Variants in DNAJC1 observed in about 807,000 individuals in gnomAD.
The protein encoded by DNAJC1 is dnaJ homolog subfamily C member 1.
In DNAJC1, 58 loss-of-function variants were observed where a neutral mutation model predicts 76.6. The observed-to-expected ratio is 0.76, with a 90% CI of 0.61 to 0.94. The LOEUF is 0.94. Ranked by LOEUF, DNAJC1 falls within the 40% of genes least tolerant of loss-of-function variation. The pLI, the probability that DNAJC1 is intolerant of heterozygous loss-of-function variation, is 0.00. For missense variants in DNAJC1, 689 were observed against 677.3 expected, an observed-to-expected ratio of 1.02 and a Z score of -0.19; for synonymous variants, 258 against 267.9, an observed-to-expected ratio of 0.96 and a Z score of 0.36.
At chr10:21,989,384 C>T (rs903991719) in intron 1 of DNAJC1, among the ~76,000 whole-genome samples, 2 of 152,096 alleles carry the variant, frequency 1.3e-5, no homozygotes, top group African/African-American at 2.4e-5. Context: ...TGATCAAAAA[C>T]TTGTTAAGCA....
chr10:21,861,298 A>G (rs935398328), intron 8 of DNAJC1, among the ~76,000 whole-genome samples: 8 of 152,202 alleles, frequency 5.3e-5, no homozygotes, highest in Admixed American at 5.2e-4. Flanking sequence ...GAGAAACAAA[A>G]TATTAAATAT....
chr10:21,789,658 T>C (rs767720460), intron 9 of DNAJC1, among the ~76,000 whole-genome samples: 1 of 151,560 alleles, frequency 6.6e-6, no homozygotes, highest in Non-Finnish European at 1.5e-5. Flanking sequence ...TCAACGGAGA[T>C]AAATATCATG....
intron 9 of DNAJC1, among the ~76,000 whole-genome samples, chr10:21,774,786 T>C (rs1029619597): frequency 2.0e-5 from 3 of 152,220 alleles, no homozygotes; most frequent in African/African-American, 7.2e-5. Context: ...CTAAACATAT[T>C]AATATATTTT....
At chr10:21,930,899 C>T (rs1837210786) in intron 1 of DNAJC1, among the ~76,000 whole-genome samples, 1 of 151,988 alleles carries the variant, frequency 6.6e-6, no homozygotes, top group Non-Finnish European at 1.5e-5. Context: ...ATAAACCATT[C>T]CACAAGTATA....
chr10:21,766,589 T>C (rs1834302014), intron 9 of DNAJC1, among the ~76,000 whole-genome samples: 1 of 152,162 alleles, frequency 6.6e-6, no homozygotes, highest in African/African-American at 2.4e-5. Context: ...AGTTCCGTTA[T>C]ACGAGGCTGC....
intron 8 of DNAJC1, among the ~76,000 whole-genome samples, chr10:21,829,048 T>C (rs971080179): frequency 6.6e-6 from 1 of 152,114 alleles, no homozygotes; most frequent in African/African-American, 2.4e-5. Flanking sequence ...TCTTTTCTTT[T>C]TGAGATGGAG....
At chr10:21,996,022 G>A (rs1050588998) in intron 1 of DNAJC1, among the ~76,000 whole-genome samples, 6 of 152,020 alleles carry the variant, frequency 3.9e-5, no homozygotes, top group African/African-American at 1.4e-4. Context: ...CATTAGTATA[G>A]GGCCCATCTT....
chr10:21,879,616 T>A (rs1836240026), intron 8 of DNAJC1, among the ~76,000 whole-genome samples: 2 of 152,178 alleles, frequency 1.3e-5, no homozygotes, highest in East Asian at 1.9e-4. Flanking sequence ...AGAGAGAGAC[T>A]CTGTCTCAAA....
intron 7 of DNAJC1, among the ~76,000 whole-genome samples, chr10:21,884,108 A>T (rs1254640741): frequency 1.3e-5 from 2 of 152,158 alleles, no homozygotes; most frequent in African/African-American, 4.8e-5. Flanking sequence ...GAAAACCCAG[A>T]TGCTGTTACA....
At chr10:21,857,727 A>C (rs1479372807) in intron 8 of DNAJC1, among the ~76,000 whole-genome samples, 2 of 152,156 alleles carry the variant, frequency 1.3e-5, no homozygotes, top group African/African-American at 2.4e-5. Context: ...ATGGTGGTAC[A>C]TGCCTGTAGT....
intron 8 of DNAJC1, among the ~76,000 whole-genome samples, chr10:21,838,434 T>A (rs1388697612): frequency 2.0e-5 from 3 of 152,062 alleles, no homozygotes; most frequent in South Asian, 2.1e-4. Flanking sequence ...GCATGCTCCT[T>A]AAGAGTCATC....
chr10:21,795,043 T>C (rs1238973760), intron 9 of DNAJC1, among the ~76,000 whole-genome samples: 1 of 152,172 alleles, frequency 6.6e-6, no homozygotes, highest in Non-Finnish European at 1.5e-5. Flanking sequence ...ATTTTGAGCA[T>C]TTCAAATTTC....
At chr10:21,770,635 G>A (rs1834362815) in intron 9 of DNAJC1, among the ~76,000 whole-genome samples, 1 of 152,110 alleles carries the variant, frequency 6.6e-6, no homozygotes, top group East Asian at 1.9e-4. Context: ...CTGACCTGAG[G>A]TGATCCGCCC....
At chr10:21,956,014 T>G (rs1406178704) in intron 1 of DNAJC1, among the ~76,000 whole-genome samples, 2 of 152,264 alleles carry the variant, frequency 1.3e-5, no homozygotes, top group African/African-American at 4.8e-5. Context: ...TCTCATTATC[T>G]TTGTATTGTG....
intron 1 of DNAJC1, among the ~76,000 whole-genome samples, chr10:21,969,711 C>T (rs189556596): frequency 6.6e-6 from 1 of 152,192 alleles, no homozygotes; most frequent in East Asian, 1.9e-4. Flanking sequence ...TTAAGTAGTA[C>T]ATAAAATAAT....
chr10:21,803,840 T>C, intron 9 of DNAJC1: 3 of 957,122 alleles, frequency 3.1e-6, no homozygotes, highest in Non-Finnish European at 3.7e-6. Flanking sequence ...TTTGTTATTA[T>C]GAAAACAGAA....
intron 7 of DNAJC1, among the ~76,000 whole-genome samples, chr10:21,896,338 T>C (rs766757351): frequency 6.6e-6 from 1 of 152,198 alleles, no homozygotes; most frequent in Non-Finnish European, 1.5e-5. Flanking sequence ...TACTCTCCTG[T>C]GTCTGGAAGA....
At chr10:21,773,867 C>T (rs1308282391) in intron 9 of DNAJC1, among the ~76,000 whole-genome samples, 3 of 150,670 alleles carry the variant, frequency 2.0e-5, no homozygotes, top group Admixed American at 6.6e-5. Context: ...AAGGGCCGGG[C>T]GCGGTGGCTC....
chr10:21,901,183 G>A (rs902181676), intron 7 of DNAJC1, among the ~76,000 whole-genome samples: 14 of 152,152 alleles, frequency 9.2e-5, no homozygotes, highest in African/African-American at 3.4e-4. Context: ...GAAGTACTTG[G>A]CAGTAGAGTT....
Sources: gnomAD v4.1 joint callset for allele counts (sites outside exome capture counted in the v4.1 genomes callset) on GRCh38, gnomAD v4.1.1 for gene constraint, MANE v1.5 for transcripts, NCBI Gene and HGNC (gene_info 2026-07-23, HGNC 2026-07-21) for gene names.